Variants in LCOR observed in about 807,000 individuals in gnomAD.
The protein encoded by LCOR is ligand-dependent corepressor.
Under a neutral mutation model 64.4 loss-of-function variants are expected in LCOR, and 14 were observed. The observed-to-expected ratio is 0.22, with a 90% CI of 0.14 to 0.34. The LOEUF is 0.34. Ranked by LOEUF, LCOR falls within the 10% of genes least tolerant of loss-of-function variation. LCOR has a pLI of 1.00. For missense variants in LCOR, 1,686 were observed against 1,765.3 expected, an observed-to-expected ratio of 0.96 and a Z score of 0.80; for synonymous variants, 643 against 642.5, an observed-to-expected ratio of 1.00 and a Z score of -0.01.
chr10:96,881,276 T>C (rs537511885), intron 2 of LCOR, among the ~76,000 whole-genome samples: 2 of 152,344 alleles, frequency 1.3e-5, no homozygotes, highest in Admixed American at 1.3e-4. Context: ...TATCTCAGAA[T>C]TGTTGTGAAG....
intron 2 of LCOR, among the ~76,000 whole-genome samples, chr10:96,864,163 A>G (rs1309303262): frequency 4.6e-5 from 7 of 152,218 alleles, no homozygotes; most frequent in African/African-American, 1.2e-4. Flanking sequence ...ATTAAAGGTT[A>G]TAAGAATAAA....
In LCOR at chr10:96,984,360, C is replaced by T; in HGVS notation, c.3900C>T (p.Asn1300=). The T allele has an allele frequency of 6.2e-7, 1 of 1,614,166 alleles. No individual in the cohort carries two copies. Among genetic ancestry groups the T allele is most frequent in the African/African-American group, 1.3e-5 (1 of 75,058 alleles). ...KEDRNSHPPA[N]LPTPASTRIL... ...ATAGAAACAGTCATCCTCCAGCAAACCTGCCCACTCCAGCCAGTACCCGGA... is the reference window on the plus strand; with the variant it reads ...ATAGAAACAGTCATCCTCCAGCAAATCTGCCCACTCCAGCCAGTACCCGGA... Residue 1300 remains asparagine, a synonymous_variant, in exon 8 of 8, where the codon AAC becomes AAT. Coordinates refer to ENST00000421806, the MANE Select transcript of LCOR (RefSeq NM_001346516.2).
rs962595374 is a variant in LCOR, at chr10:96,991,052, A to G, written c.*5918A>G. Reference sequence around the variant, plus strand: ...AAAAAAAAAAAAAAAAAAAGCAACTATATGTGGCCCGCATAGCCTGAAATA... The same window carrying G: ...AAAAAAAAAAAAAAAAAAAGCAACTGTATGTGGCCCGCATAGCCTGAAATA... On this transcript the variant is annotated 3_prime_UTR_variant, in exon 8 of 8. Coordinates refer to ENST00000421806, the MANE Select transcript of LCOR (RefSeq NM_001346516.2). The G allele has an allele frequency of 6.7e-6, 1 of 149,588 alleles. No individual in the cohort carries two copies. Among genetic ancestry groups the G allele is most frequent in the South Asian group, 2.1e-4 (1 of 4,728 alleles). The allele number at this position is 149,588 out of a possible 1,614,324, so 9.3% of individuals were successfully genotyped here.
At chr10:96,890,565 TC>T (rs1846422787) in intron 2 of LCOR, among the ~76,000 whole-genome samples, 1 of 152,216 alleles carries the variant, frequency 6.6e-6, no homozygotes, top group South Asian at 2.1e-4. Context: ...TTTTCTTTTT[TC>T]TAACCACCCT....
At chr10:96,952,065 C>A in intron 6 of LCOR, 38 bp from the exon 7 acceptor site, 1 of 1,478,796 alleles carries the variant, frequency 6.8e-7, no homozygotes, top group African/African-American at 1.4e-5. Flanking sequence ...TTGCTCCTAG[C>A]TTTTAATATC....
At chr10:96,941,068 C>A (rs1481685609) in intron 4 of LCOR, among the ~76,000 whole-genome samples, 28 of 111,330 alleles carry the variant, frequency 2.5e-4, no homozygotes, top group Non-Finnish European at 4.6e-4. Flanking sequence ...GCCGACCCCC[C>A]CCCCGCCTCC....
chr10:96,963,190 A>T (rs567087014), intron 7 of LCOR: 2 of 152,094 alleles, frequency 1.3e-5, no homozygotes, highest in East Asian at 3.9e-4. Context: ...AGCAGATAAT[A>T]TGGGGGTTCC....
At chr10:96,849,425 G>A (rs545033373) in intron 2 of LCOR, among the ~76,000 whole-genome samples, 1 of 152,240 alleles carries the variant, frequency 6.6e-6, no homozygotes, top group South Asian at 2.1e-4. Flanking sequence ...ACCCAGGCTG[G>A]TCTTGAACTC....
Position 96,984,180 on chromosome 10 carries a change from G to A in LCOR, c.3720G>A (p.Lys1240=). 1 of 1,614,106 alleles carries A rather than the reference G, an allele frequency of 6.2e-7. No homozygotes were observed. The highest frequency in any genetic ancestry group is 8.5e-7 in the Non-Finnish European group (1 of 1,180,010). The change falls in exon 8 of 8, where the codon AAG becomes AAA. Residue 1240 remains lysine, a synonymous_variant. Transcript: ENST00000421806. ...CTGAGCGCTTGAAAAAGCACTTGAA[G>A]AAATTTCCTGGAGCTACCCCTGCTA... The part of the protein sequence containing the change: ...LQAERLKKHL[K]KFPGATPAKN...
intron 5 of LCOR, among the ~76,000 whole-genome samples, chr10:96,945,477 A>C (rs1847571606): frequency 6.6e-6 from 1 of 152,128 alleles, no homozygotes; most frequent in Non-Finnish European, 1.5e-5. Flanking sequence ...GTAAACACCC[A>C]CTAGCACCTC....
chr10:96,877,957 A>G (rs1411416015), intron 2 of LCOR, among the ~76,000 whole-genome samples: 1 of 152,196 alleles, frequency 6.6e-6, no homozygotes, highest in Non-Finnish European at 1.5e-5. Flanking sequence ...CCTATTACCT[A>G]CAAAATGTAT....
intron 7 of LCOR, chr10:96,955,247 C>T (rs1188247752): frequency 1.2e-6 from 2 of 1,614,028 alleles, no homozygotes; most frequent in Non-Finnish European, 1.7e-6. Flanking sequence ...GTATGAAGTT[C>T]AGGGGAAATG....
chr10:96,873,637 C>T (rs151124286), intron 2 of LCOR, among the ~76,000 whole-genome samples: 1 of 148,960 alleles, frequency 6.7e-6, no homozygotes, highest in African/African-American at 2.5e-5. Flanking sequence ...GGGTCTCCCT[C>T]TGTGGCCCAG....
intron 2 of LCOR, among the ~76,000 whole-genome samples, chr10:96,871,936 G>A (rs1846079114): frequency 6.6e-6 from 1 of 152,190 alleles, no homozygotes; most frequent in Non-Finnish European, 1.5e-5. Flanking sequence ...CTTTCATAGA[G>A]TCAAGATAGA....
intron 7 of LCOR, among the ~76,000 whole-genome samples, chr10:96,974,338 C>T (rs1004407830): frequency 2.0e-5 from 3 of 152,174 alleles, no homozygotes; most frequent in Admixed American, 1.3e-4. Flanking sequence ...ATTAACCAAT[C>T]CCTAGGATCT....
intron 7 of LCOR, chr10:96,958,064 C>T (rs1366382685): frequency 1.5e-5 from 16 of 1,050,696 alleles, no homozygotes; most frequent in African/African-American, 1.7e-5. Context: ...GAAGGAATGC[C>T]TCCTTTGTTA....
At chr10:96,923,196 C>G (rs1431931661) in intron 4 of LCOR, among the ~76,000 whole-genome samples, 1 of 152,150 alleles carries the variant, frequency 6.6e-6, no homozygotes, top group Non-Finnish European at 1.5e-5. Flanking sequence ...CTCTTTTTAG[C>G]TCATTGCTTG....
chr10:96,844,341 G>A (rs949188963), intron 2 of LCOR, among the ~76,000 whole-genome samples: 1 of 151,562 alleles, frequency 6.6e-6, no homozygotes, highest in Non-Finnish European at 1.5e-5. Flanking sequence ...TGTAAAGACG[G>A]GGTCTTGCTT....
intron 4 of LCOR, among the ~76,000 whole-genome samples, chr10:96,931,499 T>G (rs1328514944): frequency 6.6e-6 from 1 of 152,162 alleles, no homozygotes; most frequent in African/African-American, 2.4e-5. Flanking sequence ...TGTCCCAAAG[T>G]GCTGGGATTA....
Sources: allele counts gnomAD v4.1 joint callset (sites outside exome capture counted in the v4.1 genomes callset), GRCh38; gene constraint gnomAD v4.1.1; transcripts MANE v1.5; gene names NCBI Gene and HGNC (gene_info 2026-07-23, HGNC 2026-07-21).